Variants in CSMD3 observed in about 807,000 individuals in gnomAD.
The protein encoded by CSMD3 is CUB and sushi domain-containing protein 3.
In CSMD3, 177 loss-of-function variants were observed where a neutral mutation model predicts 435.2. The observed-to-expected ratio is 0.41, with a 90% CI of 0.36 to 0.46. The LOEUF is 0.46. CSMD3 is among the 20% of genes least tolerant of loss of function. CSMD3 has a pLI of 0.34. For missense variants in CSMD3, 4,265 were observed against 4,504.6 expected (o/e 0.95, Z 1.52); for synonymous variants, 1,656 against 1,520.5 (o/e 1.09, Z -2.07).
chr8:113,103,423 T>C (rs1478541101), intron 4 of CSMD3, among the ~76,000 whole-genome samples: 2 of 152,150 alleles, frequency 1.3e-5, no homozygotes, highest in Non-Finnish European at 2.9e-5. Context: ...AAATTGCATG[T>C]TAAGAAGTTT....
chr8:112,743,764 T>C (rs923082006), intron 13 of CSMD3, among the ~76,000 whole-genome samples: 3 of 152,066 alleles, frequency 2.0e-5, no homozygotes, highest in African/African-American at 7.2e-5. Flanking sequence ...CCATGTGCTT[T>C]TTCTTTTAAA....
At chr8:112,268,321 C>T (rs1219016545) in intron 59 of CSMD3, among the ~76,000 whole-genome samples, 2 of 152,184 alleles carry the variant, frequency 1.3e-5, no homozygotes, top group African/African-American at 4.8e-5. Flanking sequence ...GGAGGCTTCT[C>T]AATATGTAAT....
intron 1 of CSMD3, among the ~76,000 whole-genome samples, chr8:113,417,654 C>A (rs910543911): frequency 2.0e-5 from 3 of 152,012 alleles, no homozygotes; most frequent in African/African-American, 7.2e-5. Flanking sequence ...ACACTATAGG[C>A]TGTCTTATTT....
intron 39 of CSMD3, 73 bp downstream of exon 39, chr8:112,352,343 T>TACAAA (rs1826204595): frequency 6.2e-7 from 1 of 1,603,890 alleles, no homozygotes; most frequent in African/African-American, 1.3e-5. Context: ...ACCCGTGGCT[T>TACAAA]ATCAATCATT....
Position 113,165,251 on chromosome 8 carries a change from A to G in CSMD3, c.709+8471T>C, listed in dbSNP as rs533496562. Among the ~76,000 whole-genome samples the G allele has an allele frequency of 3.9e-5, 6 of 152,246 alleles. No individual in the cohort carries two copies. The East Asian group carries it at 9.7e-4, about 25-fold the overall frequency. ...GATAATATAACTTGTCTTTCCTTCT[A>G]CATATTGTGGAATGTAGATTTGTGT... On this transcript the variant is annotated intron_variant, in intron 4 of 70. Transcript: ENST00000297405.
At chr8:112,352,575 T>C in intron 38 of CSMD3, 41 bp from the exon 39 acceptor site, 1 of 1,532,482 alleles carries the variant, frequency 6.5e-7, no homozygotes, top group Non-Finnish European at 9.0e-7. Flanking sequence ...AACTTTCAAG[T>C]GATAAATGCT....
intron 4 of CSMD3, among the ~76,000 whole-genome samples, chr8:113,100,392 C>T (rs932886158): frequency 1.3e-5 from 2 of 152,038 alleles, no homozygotes; most frequent in Admixed American, 1.3e-4. Context: ...GCCGTCTCTA[C>T]CCTCAACCAT....
At chr8:113,063,976 C>A (rs1270378806) in intron 5 of CSMD3, among the ~76,000 whole-genome samples, 1 of 151,276 alleles carries the variant, frequency 6.6e-6, no homozygotes, top group African/African-American at 2.4e-5. Context: ...AAGGTCTAAG[C>A]AATGAATTTT....
intron 58 of CSMD3, among the ~76,000 whole-genome samples, chr8:112,286,560 T>C (rs758436098): frequency 3.3e-5 from 5 of 152,168 alleles, no homozygotes; most frequent in Non-Finnish European, 7.3e-5. Flanking sequence ...GAGACCATAT[T>C]CACATAACTT....
chr8:112,938,464 A>G (rs1041817595), intron 9 of CSMD3, among the ~76,000 whole-genome samples: 6 of 152,166 alleles, frequency 3.9e-5, no homozygotes, highest in Non-Finnish European at 7.3e-5. Context: ...GTTATAAGAA[A>G]CCAAGGCAGA....
chr8:113,044,812 G>A (rs1343473027), intron 5 of CSMD3, among the ~76,000 whole-genome samples: 1 of 148,634 alleles, frequency 6.7e-6, no homozygotes, highest in Non-Finnish European at 1.5e-5. Flanking sequence ...CTGTAATTTT[G>A]TTTATGCTGT....
At chr8:112,891,001 T>A (rs2081770413) in intron 10 of CSMD3, among the ~76,000 whole-genome samples, 1 of 151,672 alleles carries the variant, frequency 6.6e-6, no homozygotes. Context: ...AATACATACA[T>A]CTATACATAT....
At chr8:113,268,372 C>A (rs1031941220) in intron 3 of CSMD3, among the ~76,000 whole-genome samples, 1 of 151,670 alleles carries the variant, frequency 6.6e-6, no homozygotes, top group Admixed American at 6.6e-5. Context: ...ACTCATTTGG[C>A]TCTTTATAAC....
At chr8:112,298,253 T>C (rs952965603) in intron 53 of CSMD3, among the ~76,000 whole-genome samples, 5 of 152,012 alleles carry the variant, frequency 3.3e-5, no homozygotes, top group African/African-American at 1.2e-4. Flanking sequence ...CAAAGTGTTA[T>C]GGTATCCAAA....
intron 6 of CSMD3, among the ~76,000 whole-genome samples, chr8:112,984,610 C>G (rs2085180377): frequency 6.6e-6 from 1 of 151,932 alleles, no homozygotes; most frequent in Non-Finnish European, 1.5e-5. Context: ...GGAGGAGAGA[C>G]AGATAAGTCT....
intron 22 of CSMD3, among the ~76,000 whole-genome samples, chr8:112,623,363 G>C (rs1304611019): frequency 6.6e-6 from 1 of 151,960 alleles, no homozygotes; most frequent in Non-Finnish European, 1.5e-5. Context: ...TGTCATTTTT[G>C]AGAAGCTGTT....
intron 4 of CSMD3, among the ~76,000 whole-genome samples, chr8:113,162,451 G>T (rs567048643): frequency 1.3e-5 from 2 of 151,564 alleles, no homozygotes; most frequent in Non-Finnish European, 2.9e-5. Context: ...TGTAATCCCA[G>T]CTACTTGTGA....
chr8:113,137,093 T>C (rs561400254), intron 4 of CSMD3, among the ~76,000 whole-genome samples: 40 of 151,506 alleles, frequency 2.6e-4, no homozygotes, highest in Middle Eastern at 3.2e-3. Flanking sequence ...GAGGGAGTAA[T>C]AAAGATTCAG....
At chr8:113,227,776 T>C (rs1301773543) in intron 3 of CSMD3, among the ~76,000 whole-genome samples, 1 of 151,688 alleles carries the variant, frequency 6.6e-6, no homozygotes, top group Non-Finnish European at 1.5e-5. Context: ...TGTGAGTCAA[T>C]TAAACTTCCT....
Sources: allele counts gnomAD v4.1 joint callset (sites outside exome capture counted in the v4.1 genomes callset), GRCh38; gene constraint gnomAD v4.1.1; transcripts MANE v1.5; gene names NCBI Gene and HGNC (gene_info 2026-07-23, HGNC 2026-07-21).